SGCZ: variants seen among roughly 807,000 people sequenced by gnomAD.
SGCZ encodes zeta-sarcoglycan.
SGCZ carries 40 observed loss-of-function variants against 41.3 expected under a neutral mutation model. The ratio of observed to expected loss-of-function variants is 0.97; its 90% CI spans 0.75 to 1.26. SGCZ has a LOEUF of 1.26. Ranked by LOEUF, SGCZ falls within the 50% of genes most tolerant of loss-of-function variation. SGCZ has a pLI of 0.00. For missense variants in SGCZ, 552 were observed against 369.8 expected, an observed-to-expected ratio of 1.49 and a Z score of -4.04; for synonymous variants, 206 against 137.5, an observed-to-expected ratio of 1.50 and a Z score of -3.49.
intron 1 of SGCZ, among the ~76,000 whole-genome samples, chr8:15,230,768 G>C (rs1304729301): frequency 6.6e-6 from 1 of 152,134 alleles, no homozygotes; most frequent in African/African-American, 2.4e-5. Context: ...AGACTGTCTT[G>C]AACCAAACTT....
chr8:14,647,086 G>A (rs192510904), intron 1 of SGCZ, among the ~76,000 whole-genome samples: 134 of 151,944 alleles, frequency 8.8e-4, no homozygotes, highest in Middle Eastern at 6.8e-3. Flanking sequence ...TTTGTGTTAG[G>A]ACTTGTACTG....
chr8:14,260,956 G>A (rs1799642970), intron 3 of SGCZ, among the ~76,000 whole-genome samples: 2 of 152,120 alleles, frequency 1.3e-5, no homozygotes, highest in Non-Finnish European at 2.9e-5. Flanking sequence ...GTGGGGTGTG[G>A]GGAGTGGGGA....
chr8:14,456,133 G>T (rs918472408), intron 2 of SGCZ, among the ~76,000 whole-genome samples: 2 of 152,136 alleles, frequency 1.3e-5, no homozygotes, highest in Non-Finnish European at 2.9e-5. Context: ...GGTAGGACAC[G>T]CACGGTGGCT....
intron 1 of SGCZ, among the ~76,000 whole-genome samples, chr8:15,093,662 G>A (rs1585555194): frequency 6.6e-6 from 1 of 152,078 alleles, no homozygotes; most frequent in African/African-American, 2.4e-5. Flanking sequence ...AACATCAACA[G>A]AACACGTTTA....
intron 2 of SGCZ, among the ~76,000 whole-genome samples, chr8:14,349,100 C>A (rs554854692): frequency 6.6e-6 from 1 of 152,154 alleles, no homozygotes; most frequent in Admixed American, 6.6e-5. Context: ...AGATTTCAGA[C>A]TAGCTCACTA....
chr8:15,001,557 A>G (rs370973522), intron 1 of SGCZ, among the ~76,000 whole-genome samples: 165 of 152,028 alleles, frequency 1.1e-3, no homozygotes, highest in African/African-American at 1.7e-3. Flanking sequence ...GTGAAACCCC[A>G]TCTCTACTAA....
chr8:14,857,075 G>C (rs1032909427), intron 1 of SGCZ, among the ~76,000 whole-genome samples: 18 of 152,132 alleles, frequency 1.2e-4, no homozygotes, highest in African/African-American at 4.3e-4. Context: ...TCTTAGTACT[G>C]TATAGTCAGT....
chr8:14,366,298 G>C (rs576560087), intron 2 of SGCZ, among the ~76,000 whole-genome samples: 1 of 152,250 alleles, frequency 6.6e-6, no homozygotes, highest in Non-Finnish European at 1.5e-5. Flanking sequence ...TGAAGCAGGA[G>C]CAAAGGCCCA....
chr8:14,231,227 G>C (rs573445471), intron 4 of SGCZ, among the ~76,000 whole-genome samples: 8 of 149,762 alleles, frequency 5.3e-5, no homozygotes, highest in Middle Eastern at 3.4e-3. Context: ...AAGAGAGAGA[G>C]AGACAGAGAG....
intron 1 of SGCZ, among the ~76,000 whole-genome samples, chr8:14,820,488 A>T (rs979329963): frequency 6.6e-6 from 1 of 152,052 alleles, no homozygotes; most frequent in Non-Finnish European, 1.5e-5. Flanking sequence ...CCATAAACCA[A>T]ATGGACTTAA....
intron 1 of SGCZ, among the ~76,000 whole-genome samples, chr8:15,032,904 G>T (rs540835894): frequency 1.3e-5 from 2 of 151,770 alleles, no homozygotes; most frequent in African/African-American, 4.8e-5. Flanking sequence ...CCAGGCTCCA[G>T]GCCTACCCCA....
chr8:14,416,010 A>G (rs1004193477), intron 2 of SGCZ, among the ~76,000 whole-genome samples: 4 of 151,980 alleles, frequency 2.6e-5, no homozygotes, highest in Non-Finnish European at 4.4e-5. Flanking sequence ...ATTTAAATTT[A>G]TCACCAGAAA....
At chr8:14,684,843 A>C (rs553339329) in intron 1 of SGCZ, among the ~76,000 whole-genome samples, 10 of 152,234 alleles carry the variant, frequency 6.6e-5, no homozygotes, top group African/African-American at 2.4e-4. Context: ...TCAAGAAACA[A>C]TGCAGCCTTC....
chr8:14,843,988 T>C (rs1803014543), intron 1 of SGCZ, among the ~76,000 whole-genome samples: 1 of 151,344 alleles, frequency 6.6e-6, no homozygotes. Flanking sequence ...ATGTTTTGTG[T>C]TCCAGGAAAA....
chr8:14,691,441 A>T (rs1808794782), intron 1 of SGCZ, among the ~76,000 whole-genome samples: 1 of 152,080 alleles, frequency 6.6e-6, no homozygotes, highest in Non-Finnish European at 1.5e-5. Context: ...CCAAAGGATG[A>T]CCTAGCGTGG....
chr8:14,673,446 GTC>G (rs752976355), intron 1 of SGCZ, among the ~76,000 whole-genome samples: 50 of 148,128 alleles, frequency 3.4e-4, no homozygotes, highest in Admixed American at 4.7e-4. Context: ...CGCTCGCGCT[GTC>G]TCTCTCTCTC....
At chr8:14,526,832 T>C (rs528084700) in intron 2 of SGCZ, among the ~76,000 whole-genome samples, 1 of 152,198 alleles carries the variant, frequency 6.6e-6, no homozygotes, top group South Asian at 2.1e-4. Context: ...TCGTACCACA[T>C]ACACAAAACT....
intron 1 of SGCZ, among the ~76,000 whole-genome samples, chr8:15,196,998 G>C (rs527366909): frequency 6.6e-6 from 1 of 152,342 alleles, no homozygotes; most frequent in South Asian, 2.1e-4. Flanking sequence ...AATAGTCCCA[G>C]AGTGCAAAGA....
intron 1 of SGCZ, among the ~76,000 whole-genome samples, chr8:15,169,265 G>C (rs187826508): frequency 1.3e-4 from 20 of 152,296 alleles, no homozygotes; most frequent in Admixed American, 9.8e-4. Flanking sequence ...AGGGGGAAAT[G>C]AGACAGCCAG....
Sources: gnomAD v4.1 joint callset for allele counts (sites outside exome capture counted in the v4.1 genomes callset) on GRCh38, gnomAD v4.1.1 for gene constraint, MANE v1.5 for transcripts, NCBI Gene and HGNC (gene_info 2026-07-23, HGNC 2026-07-21) for gene names.